WWOX: variants seen among roughly 807,000 people sequenced by gnomAD.
WWOX encodes WW domain containing oxidoreductase.
A neutral mutation model predicts 46.2 loss-of-function variants in WWOX; 69 were observed. The ratio of observed to expected loss-of-function variants is 1.49; its 90% CI spans 1.23 to 1.82. The LOEUF is 1.82. WWOX is among the 40% of genes most tolerant of loss of function. The probability of loss-of-function intolerance (pLI) is 0.00; values close to 1 mark genes in which losing one functional copy is unlikely to be tolerated. For missense variants in WWOX, 919 were observed against 542.6 expected (o/e 1.69, Z -6.89); for synonymous variants, 359 against 202.6 (o/e 1.77, Z -6.56).
At chr16:78,187,437 A>C (rs557634601) in intron 5 of WWOX, among the ~76,000 whole-genome samples, 48 of 152,296 alleles carry the variant, frequency 3.2e-4, no homozygotes, top group African/African-American at 1.2e-3. Flanking sequence ...ACCAGTCTCT[A>C]CTAAAAATAC....
chr16:78,391,212 C>G (rs1212178708), intron 6 of WWOX, among the ~76,000 whole-genome samples: 1 of 152,192 alleles, frequency 6.6e-6, no homozygotes, highest in Non-Finnish European at 1.5e-5. Context: ...GCAAAGGAGG[C>G]TGTTGTAGAG....
At chr16:79,189,939 G>C (rs559958140) in intron 8 of WWOX, among the ~76,000 whole-genome samples, 14 of 150,254 alleles carry the variant, frequency 9.3e-5, no homozygotes, top group Admixed American at 4.7e-4. Flanking sequence ...GGGGAAGGGG[G>C]GGGGGATAAA....
intron 8 of WWOX, among the ~76,000 whole-genome samples, chr16:79,105,743 A>G (rs1311148600): frequency 6.7e-6 from 1 of 150,188 alleles, no homozygotes; most frequent in Non-Finnish European, 1.5e-5. Context: ...GCTCACTGCA[A>G]CCTCCATCTC....
chr16:78,436,278 G>A (rs988227142), intron 8 of WWOX, among the ~76,000 whole-genome samples: 4 of 152,186 alleles, frequency 2.6e-5, no homozygotes, highest in African/African-American at 7.2e-5. Flanking sequence ...TGGCCCCAAA[G>A]ACTCAGGGAG....
intron 6 of WWOX, among the ~76,000 whole-genome samples, chr16:78,393,049 GT>G (rs1435790807): frequency 6.6e-6 from 1 of 152,152 alleles, no homozygotes; most frequent in Non-Finnish European, 1.5e-5. Flanking sequence ...CCTGTGGTAA[GT>G]TCCACCCAAA....
intron 8 of WWOX, among the ~76,000 whole-genome samples, chr16:78,725,365 G>C: frequency 8.7e-5 from 1 of 11,482 alleles, no homozygotes; most frequent in East Asian, 3.2e-3. Flanking sequence ...TTTTTTTTTT[G>C]AGATGGAGTT....
chr16:78,433,201 T>G (rs1209496137), intron 8 of WWOX, among the ~76,000 whole-genome samples: 1 of 152,182 alleles, frequency 6.6e-6, no homozygotes, highest in African/African-American at 2.4e-5. Flanking sequence ...TATCTTTTGT[T>G]CTAAATTTTT....
chr16:79,121,576 C>CA, intron 8 of WWOX, among the ~76,000 whole-genome samples: 1 of 152,096 alleles, frequency 6.6e-6, no homozygotes, highest in Non-Finnish European at 1.5e-5. Context: ...AGTTGAATAA[C>CA]AAGAGACCGT....
intron 8 of WWOX, among the ~76,000 whole-genome samples, chr16:78,476,180 A>G (rs1265877166): frequency 6.6e-6 from 1 of 152,174 alleles, no homozygotes; most frequent in Non-Finnish European, 1.5e-5. Context: ...CTGGTGTGAG[A>G]TGGTATCTCA....
chr16:78,173,124 G>A (rs554867067), intron 5 of WWOX, among the ~76,000 whole-genome samples: 1 of 152,152 alleles, frequency 6.6e-6, no homozygotes, highest in African/African-American at 2.4e-5. Context: ...GATAGGTTAA[G>A]GTTTATTTTA....
chr16:78,926,983 A>T (rs60633200), intron 8 of WWOX, among the ~76,000 whole-genome samples: 3,606 of 152,052 alleles, frequency 0.024, 49 homozygotes, highest in African/African-American at 0.037. Flanking sequence ...TTCTGTAGAG[A>T]TGGGGTTTTG....
intron 5 of WWOX, among the ~76,000 whole-genome samples, chr16:78,333,362 G>A (rs2080808839): frequency 6.6e-6 from 1 of 151,940 alleles, no homozygotes; most frequent in African/African-American, 2.4e-5. Flanking sequence ...TTTCTATGGT[G>A]TGTGTTACAT....
At chr16:78,956,664 C>G (rs777449020) in intron 8 of WWOX, among the ~76,000 whole-genome samples, 5 of 152,030 alleles carry the variant, frequency 3.3e-5, no homozygotes, top group African/African-American at 7.2e-5. Context: ...CCTAAAATAC[C>G]TCTGTTTTCA....
At chr16:79,087,342 G>A (rs1163737679) in intron 8 of WWOX, among the ~76,000 whole-genome samples, 1 of 152,222 alleles carries the variant, frequency 6.6e-6, no homozygotes, top group Non-Finnish European at 1.5e-5. Flanking sequence ...GCTGAAGCTA[G>A]CATGGGCAGG....
intron 8 of WWOX, among the ~76,000 whole-genome samples, chr16:79,027,838 C>A (rs553748685): frequency 6.6e-6 from 1 of 151,752 alleles, no homozygotes; most frequent in African/African-American, 2.4e-5. Context: ...CTTCTAAAGA[C>A]CCCTGAACAT....
At chr16:78,801,462 T>A (rs1033130190) in intron 8 of WWOX, among the ~76,000 whole-genome samples, 1 of 152,146 alleles carries the variant, frequency 6.6e-6, no homozygotes, top group Non-Finnish European at 1.5e-5. Context: ...TAAGCTGATA[T>A]CATGTCACCG....
At chr16:79,086,353 T>A (rs1414073122) in intron 8 of WWOX, among the ~76,000 whole-genome samples, 1 of 152,216 alleles carries the variant, frequency 6.6e-6, no homozygotes, top group Admixed American at 6.5e-5. Flanking sequence ...GTCAAATTTG[T>A]GCAAAGAAAA....
intron 8 of WWOX, among the ~76,000 whole-genome samples, chr16:78,866,359 C>G (rs991283974): frequency 1.3e-5 from 2 of 152,002 alleles, no homozygotes; most frequent in Admixed American, 1.3e-4. Flanking sequence ...GATTAACTTG[C>G]AATAATTGTG....
chr16:78,865,253 T>A (rs552734038), intron 8 of WWOX, among the ~76,000 whole-genome samples: 1 of 152,296 alleles, frequency 6.6e-6, no homozygotes, highest in Admixed American at 6.5e-5. Flanking sequence ...ACTCTCTTCC[T>A]TTATTTTTTT....
Sources: gnomAD v4.1 joint callset for allele counts (sites outside exome capture counted in the v4.1 genomes callset) on GRCh38, gnomAD v4.1.1 for gene constraint, MANE v1.5 for transcripts, NCBI Gene and HGNC (gene_info 2026-07-23, HGNC 2026-07-21) for gene names.